The following ASTN2 variants were observed in gnomAD, a reference collection of about 807,000 sequenced individuals.
ASTN2 encodes the protein astrotactin 2.
In ASTN2, 54 loss-of-function variants were observed where a neutral mutation model predicts 139.8. The ratio of observed to expected loss-of-function variants is 0.39; its 90% CI spans 0.31 to 0.48. The LOEUF is 0.48. Ranked by LOEUF, ASTN2 falls within the 20% of genes least tolerant of loss-of-function variation. The pLI is 0.95. For synonymous variants in ASTN2, 756 were observed against 719.5 expected (o/e 1.05, Z -0.81); for missense variants, 1,565 against 1,725.1 (o/e 0.91, Z 1.64).
intron 10 of ASTN2, among the ~76,000 whole-genome samples, chr9:116,915,200 T>A (rs1014024746): frequency 9.2e-5 from 14 of 152,224 alleles, no homozygotes; most frequent in African/African-American, 3.1e-4. Context: ...TATCTTAACA[T>A]GTCTGTAGCA....
chr9:117,013,922 C>G (rs1263134471), intron 6 of ASTN2, among the ~76,000 whole-genome samples: 1 of 152,162 alleles, frequency 6.6e-6, no homozygotes, highest in Non-Finnish European at 1.5e-5. Flanking sequence ...AAAGAAGGCT[C>G]TGGTCACAGT....
At chr9:116,889,429 C>T (rs998254127) in intron 10 of ASTN2, among the ~76,000 whole-genome samples, 2 of 152,040 alleles carry the variant, frequency 1.3e-5, no homozygotes, top group Admixed American at 6.6e-5. Flanking sequence ...AAATTGCTGC[C>T]GCTGGCCTGT....
In ASTN2 at chr9:116,699,211, G is replaced by C. The variant is rs777563978; in HGVS notation, c.2806+26560C>G. ...CAGTTTGTAGTAACCGATGTGGAAG[G>C]TGGAAAGCTTTGGTGTTTCACAGTT... On this transcript the variant is annotated intron_variant, in intron 16 of 22. Coordinates refer to ENST00000313400, the MANE Select transcript of ASTN2 (RefSeq NM_001365068.1). The surrounding 1 kb of genome is among the most constrained non-coding windows in gnomAD (Gnocchi z 4.2). 6.2e-7 allele frequency: 1 copy of C among 1,614,250 alleles called. No individual in the cohort carries two copies.
chr9:116,609,296 ATC>A (rs34856740), intron 19 of ASTN2, among the ~76,000 whole-genome samples: 35,866 of 123,122 alleles, frequency 0.29, 5,623 homozygotes, highest in Non-Finnish European at 0.34. Flanking sequence ...AGAAAAAAGG[ATC>A]TCTCTCTCTC....
intron 13 of ASTN2, among the ~76,000 whole-genome samples, chr9:116,754,787 C>T (rs1261124335): frequency 6.6e-6 from 1 of 152,196 alleles, no homozygotes; most frequent in Non-Finnish European, 1.5e-5. Context: ...GGAATCCTCG[C>T]AACCACATAA....
At chr9:116,618,242 C>T in intron 19 of ASTN2, 82 bp downstream of exon 19, 2 of 1,440,940 alleles carry the variant, frequency 1.4e-6, no homozygotes, top group Non-Finnish European at 1.9e-6. Context: ...ACAGATGAGA[C>T]CAAGTCTCCA....
intron 16 of ASTN2, among the ~76,000 whole-genome samples, chr9:116,713,721 A>G (rs990984499): frequency 2.0e-5 from 3 of 152,108 alleles, no homozygotes; most frequent in Admixed American, 6.5e-5. Flanking sequence ...CCATTTGCCA[A>G]CTCTGTGCCT....
chr9:117,190,671 C>T (rs572744890), intron 3 of ASTN2, among the ~76,000 whole-genome samples: 18 of 152,244 alleles, frequency 1.2e-4, no homozygotes, highest in Non-Finnish European at 1.5e-5. Context: ...TTTATACCTG[C>T]TGTTCCCTCT....
intron 4 of ASTN2, among the ~76,000 whole-genome samples, chr9:117,134,293 T>TAC (rs1327231253): frequency 1.5e-4 from 8 of 53,914 alleles, no homozygotes; most frequent in Admixed American, 3.4e-4. Context: ...TATATATATA[T>TAC]ATACACACAC....
intron 4 of ASTN2, among the ~76,000 whole-genome samples, chr9:117,140,574 G>T (rs1044348186): frequency 6.6e-6 from 1 of 151,482 alleles, no homozygotes; most frequent in East Asian, 1.9e-4. Context: ...AAGAGAAGTA[G>T]GAGGAGATGA....
At chr9:116,755,104 C>T (rs1829499526) in intron 13 of ASTN2, among the ~76,000 whole-genome samples, 1 of 152,152 alleles carries the variant, frequency 6.6e-6, no homozygotes, top group Non-Finnish European at 1.5e-5. Flanking sequence ...GTTTCAATAC[C>T]AGATCTGGGT....
rs1239210026 is a variant in ASTN2, at chr9:117,370,987, G to A, written c.442+43510C>T. Among the ~76,000 whole-genome samples the A allele has an allele frequency of 2.6e-5, 4 of 152,248 alleles. No homozygotes were observed. In the East Asian group the frequency reaches 7.7e-4, roughly 29 times the overall value. ...AATAACCACAACAATCTGAAGGGAA[G>A]GCCAAGACTAAATCCAGTTGGATGT... On this transcript the variant is annotated intron_variant, in intron 1 of 22. Coordinates refer to ENST00000313400, the MANE Select transcript of ASTN2 (RefSeq NM_001365068.1).
At chr9:116,945,009 C>G (rs1470011304) in intron 10 of ASTN2, among the ~76,000 whole-genome samples, 2 of 152,140 alleles carry the variant, frequency 1.3e-5, no homozygotes, top group Non-Finnish European at 2.9e-5. Context: ...ACTGTGTCAT[C>G]AAGATCTATC....
At chr9:117,147,465 C>CATA in intron 3 of ASTN2, among the ~76,000 whole-genome samples, 1 of 143,582 alleles carries the variant, frequency 7.0e-6, no homozygotes, top group Non-Finnish European at 1.5e-5. Flanking sequence ...ACACACACAC[C>CATA]CCCGTTATCC....
intron 4 of ASTN2, among the ~76,000 whole-genome samples, chr9:117,120,223 C>T (rs1829521049): frequency 6.6e-6 from 1 of 151,540 alleles, no homozygotes; most frequent in Non-Finnish European, 1.5e-5. Context: ...ACTCACCTTC[C>T]CACACGTGTT....
At chr9:116,844,051 C>A (rs1164882669) in intron 11 of ASTN2, among the ~76,000 whole-genome samples, 1 of 152,128 alleles carries the variant, frequency 6.6e-6, no homozygotes, top group Non-Finnish European at 1.5e-5. Context: ...TAAGATTAAT[C>A]CAGATACTGT....
intron 10 of ASTN2, among the ~76,000 whole-genome samples, chr9:116,921,271 A>G (rs767505450): frequency 2.0e-5 from 3 of 152,180 alleles, no homozygotes; most frequent in Non-Finnish European, 4.4e-5. Flanking sequence ...CCAGACCTGC[A>G]TGAGCCTGTT....
intron 5 of ASTN2, among the ~76,000 whole-genome samples, chr9:117,075,795 T>C (rs1226033060): frequency 6.6e-6 from 1 of 152,214 alleles, no homozygotes; most frequent in Non-Finnish European, 1.5e-5. Flanking sequence ...TGCTGTTTAC[T>C]AAAACTGTGA....
intron 2 of ASTN2, among the ~76,000 whole-genome samples, chr9:117,241,988 A>G (rs967103548): frequency 3.5e-5 from 5 of 143,396 alleles, no homozygotes; most frequent in African/African-American, 1.3e-4. Flanking sequence ...GACAGTGAAA[A>G]CTTTCTTTGG....
Sources: allele counts gnomAD v4.1 joint callset (sites outside exome capture counted in the v4.1 genomes callset), GRCh38; gene constraint gnomAD v4.1.1; non-coding constraint Gnocchi (gnomAD v3.1); transcripts MANE v1.5; gene names NCBI Gene and HGNC (gene_info 2026-07-23, HGNC 2026-07-21).